The following SH3GL2 variants were observed in gnomAD, a reference collection of about 807,000 sequenced individuals.
The protein encoded by SH3GL2 is SH3 domain containing GRB2 like 2, endophilin A1, also known as endophilin-A1.
A neutral mutation model predicts 46.0 loss-of-function variants in SH3GL2; 24 were observed. The observed-to-expected ratio is 0.52, with a 90% confidence interval of 0.38 to 0.73. The LOEUF is 0.73. Ranked by LOEUF, SH3GL2 falls within the 30% of genes least tolerant of loss-of-function variation. The pLI is 0.00. For synonymous variants in SH3GL2, 196 were observed against 147.1 expected (o/e 1.33, Z -2.40); for missense variants, 413 against 424.2 (o/e 0.97, Z 0.23).
intron 6 of SH3GL2, among the ~76,000 whole-genome samples, chr9:17,790,137 G>T (rs9407876): frequency 0.016 from 2,406 of 152,074 alleles, 59 homozygotes; most frequent in African/African-American, 0.055. Context: ...GGAGCGTATG[G>T]GTGTCCCTTC....
chr9:17,630,910 A>G (rs904010604), intron 1 of SH3GL2, among the ~76,000 whole-genome samples: 2 of 152,128 alleles, frequency 1.3e-5, no homozygotes, highest in Admixed American at 6.5e-5. Context: ...CTTTTCTCCT[A>G]CAATGACTGT....
At chr9:17,622,498 A>G (rs913124499) in intron 1 of SH3GL2, among the ~76,000 whole-genome samples, 1 of 151,906 alleles carries the variant, frequency 6.6e-6, no homozygotes, top group African/African-American at 2.4e-5. Flanking sequence ...TGAGCAAAGA[A>G]CCTCCTATTT....
At chr9:17,637,896 C>G (rs1390609032) in intron 1 of SH3GL2, among the ~76,000 whole-genome samples, 1 of 152,188 alleles carries the variant, frequency 6.6e-6, no homozygotes, top group African/African-American at 2.4e-5. Flanking sequence ...GTGGCTCAAG[C>G]CTGTAATCCC....
intron 1 of SH3GL2, among the ~76,000 whole-genome samples, chr9:17,600,217 G>A (rs566276504): frequency 3.3e-5 from 5 of 152,282 alleles, no homozygotes; most frequent in Admixed American, 3.3e-4. Flanking sequence ...CTTCCTGGAT[G>A]AACTGGATTA....
chr9:17,613,694 T>G (rs1818919217), intron 1 of SH3GL2, among the ~76,000 whole-genome samples: 1 of 152,212 alleles, frequency 6.6e-6, no homozygotes, highest in Non-Finnish European at 1.5e-5. Context: ...CTGGTGATCA[T>G]TTTATAATGC....
intron 1 of SH3GL2, among the ~76,000 whole-genome samples, chr9:17,707,881 C>G (rs1356761687): frequency 6.6e-6 from 1 of 152,046 alleles, no homozygotes; most frequent in Non-Finnish European, 1.5e-5. Context: ...TTCTGTTTCA[C>G]ACTCATCTTG....
chr9:17,625,667 C>T (rs1161145847), intron 1 of SH3GL2, among the ~76,000 whole-genome samples: 1 of 152,186 alleles, frequency 6.6e-6, no homozygotes, highest in African/African-American at 2.4e-5. Context: ...GCACTTCTGC[C>T]TCTTTGTGCT....
intron 1 of SH3GL2, among the ~76,000 whole-genome samples, chr9:17,661,415 C>T (rs755980701): frequency 3.3e-5 from 5 of 151,880 alleles, no homozygotes; most frequent in Non-Finnish European, 5.9e-5. Context: ...GATGTGTACA[C>T]AGTGGTGTAA....
chr9:17,764,615 T>C (rs1823269332), intron 3 of SH3GL2, among the ~76,000 whole-genome samples: 2 of 151,926 alleles, frequency 1.3e-5, no homozygotes, highest in Admixed American at 1.3e-4. Flanking sequence ...GGGGAATCAG[T>C]AGGATTTGAT....
intron 3 of SH3GL2, among the ~76,000 whole-genome samples, chr9:17,780,297 C>A (rs1366696009): frequency 6.6e-6 from 1 of 152,006 alleles, no homozygotes; most frequent in African/African-American, 2.4e-5. Flanking sequence ...GATCATAGAA[C>A]ATGTATTCTT....
rs746022355 is a variant in SH3GL2, at chr9:17,579,227, C to G, written c.-16C>G. On this transcript the variant is annotated 5_prime_UTR_variant, in exon 1 of 9. Transcript: ENST00000380607. ...CTCCCTCCCGCACAGCAGCCGCCAG[C>G]GCGGCCTCCTGCACCATGTCGGTGG... The G allele has an allele frequency of 4.5e-6, 7 of 1,543,368 alleles. No individual in the cohort carries two copies. Among genetic ancestry groups the G allele is most frequent in the South Asian group, 1.2e-5 (1 of 84,152 alleles).
At chr9:17,641,796 T>C (rs1819690008) in intron 1 of SH3GL2, among the ~76,000 whole-genome samples, 2 of 148,296 alleles carry the variant, frequency 1.3e-5, no homozygotes, top group Admixed American at 6.6e-5. Flanking sequence ...CTGCATAGTA[T>C]TGCATGGTTT....
chr9:17,714,999 A>G (rs1234298906), intron 1 of SH3GL2, among the ~76,000 whole-genome samples: 1 of 151,818 alleles, frequency 6.6e-6, no homozygotes, highest in Non-Finnish European at 1.5e-5. Context: ...CACAGGATAT[A>G]GAATTCTTGG....
chr9:17,789,694 TTGTC>T (rs1164320652), intron 6 of SH3GL2, 144 bp downstream of exon 6: 2 of 1,406,332 alleles, frequency 1.4e-6, no homozygotes, highest in Non-Finnish European at 1.9e-6. Flanking sequence ...TTTTAAATAA[TTGTC>T]AGTCATAAAG....
chr9:17,597,507 A>G (rs1335857058), intron 1 of SH3GL2, among the ~76,000 whole-genome samples: 1 of 150,966 alleles, frequency 6.6e-6, no homozygotes, highest in Non-Finnish European at 1.5e-5. Context: ...ACAGAGTGAT[A>G]CTCAGTCTCA....
At chr9:17,654,763 A>G (rs1195433592) in intron 1 of SH3GL2, among the ~76,000 whole-genome samples, 1 of 152,230 alleles carries the variant, frequency 6.6e-6, no homozygotes, top group East Asian at 1.9e-4. Context: ...AGAACACATT[A>G]TCACGTGACA....
At chr9:17,610,778 G>A (rs1421002589) in intron 1 of SH3GL2, among the ~76,000 whole-genome samples, 3 of 151,876 alleles carry the variant, frequency 2.0e-5, no homozygotes, top group Non-Finnish European at 4.4e-5. Context: ...CTAGCTTGCT[G>A]ACCCAGAAAT....
intron 1 of SH3GL2, among the ~76,000 whole-genome samples, chr9:17,656,270 T>C (rs1228943149): frequency 2.6e-5 from 4 of 152,196 alleles, no homozygotes; most frequent in East Asian, 3.8e-4. Flanking sequence ...TGGATAGATA[T>C]ATTAGAGGAT....
chr9:17,669,533 C>A (rs1206504916), intron 1 of SH3GL2, among the ~76,000 whole-genome samples: 1 of 152,186 alleles, frequency 6.6e-6, no homozygotes, highest in African/African-American at 2.4e-5. Context: ...GTATACAATC[C>A]TTAGGGATTG....
Sources: gnomAD v4.1 joint callset for allele counts (sites outside exome capture counted in the v4.1 genomes callset) on GRCh38, gnomAD v4.1.1 for gene constraint, MANE v1.5 for transcripts, NCBI Gene and HGNC (gene_info 2026-07-23, HGNC 2026-07-21) for gene names.